Variants in TRAPPC8 observed in about 807,000 individuals in gnomAD.
TRAPPC8 encodes trafficking protein particle complex subunit 8.
In TRAPPC8, 54 loss-of-function variants were observed where a neutral mutation model predicts 174.3. The observed-to-expected ratio is 0.31, with a 90% CI of 0.25 to 0.39. The LOEUF is 0.39. Among genes scored for constraint, TRAPPC8 ranks in the 10% least tolerant of loss-of-function variants. The pLI is 1.00. For missense variants in TRAPPC8, 1,531 were observed against 1,699.1 expected (o/e 0.90, Z 1.74); for synonymous variants, 630 against 579.9 (o/e 1.09, Z -1.24).
At chr18:31,873,324 T>C in intron 14 of TRAPPC8, 106 bp downstream of exon 14, 1 of 962,420 alleles carries the variant, frequency 1.0e-6, no homozygotes, top group Non-Finnish European at 1.5e-6. Flanking sequence ...GGCTGAGCTA[T>C]TAATTTTCAA....
At chr18:31,846,961 T>C (rs376659088) in intron 25 of TRAPPC8, 144 bp from the exon 26 acceptor site, 1 of 497,076 alleles carries the variant, frequency 2.0e-6, no homozygotes, top group South Asian at 5.0e-5. Flanking sequence ...ATTTCTACTT[T>C]TAGTTATTCA....
chr18:31,834,828 C>T (rs2032612715), intron 27 of TRAPPC8, among the ~76,000 whole-genome samples: 1 of 152,178 alleles, frequency 6.6e-6, no homozygotes, highest in African/African-American at 2.4e-5. Context: ...CATGACCAAA[C>T]CTCCTACTGT....
rs547671526 is a variant in TRAPPC8, at chr18:31,889,958, T to C, written c.1728+777A>G. Among the ~76,000 whole-genome samples, 5 of 152,330 alleles carry C rather than the reference T, an allele frequency of 3.3e-5. No homozygotes were observed. The South Asian group carries it at 1.0e-3, about 32-fold the overall frequency. ...TTAGAAAAATTAAGGATGTTCATAG[T>C]TACATTTCATACTTAGTAAATTCAT... is the stretch of plus-strand genomic sequence containing the variant. On this transcript the variant is annotated intron_variant, in intron 12 of 28. Coordinates refer to ENST00000283351, the MANE Select transcript of TRAPPC8 (RefSeq NM_014939.5).
chr18:31,841,441 GA>G (rs2033094183), intron 26 of TRAPPC8, among the ~76,000 whole-genome samples: 1 of 152,020 alleles, frequency 6.6e-6, no homozygotes, highest in African/African-American at 2.4e-5. Context: ...ACCAGAGAAA[GA>G]AACTATCTGA....
chr18:31,852,783 T>A, intron 22 of TRAPPC8, 120 bp from the exon 23 acceptor site: 2 of 822,094 alleles, frequency 2.4e-6, no homozygotes, highest in Non-Finnish European at 3.9e-6. Flanking sequence ...AAATAATGTT[T>A]AATGAAGAAC....
chr18:31,892,126 A>G (rs1022115955), intron 11 of TRAPPC8, among the ~76,000 whole-genome samples: 14 of 152,230 alleles, frequency 9.2e-5, no homozygotes, highest in African/African-American at 3.4e-4. Flanking sequence ...GAAATTATTA[A>G]TACAAACTAA....
At chr18:31,877,860 T>C (rs543532121) in intron 12 of TRAPPC8, among the ~76,000 whole-genome samples, 37 of 149,402 alleles carry the variant, frequency 2.5e-4, no homozygotes, top group African/African-American at 8.7e-4. Context: ...GAGGCAGAGA[T>C]TGCAGTGAGC....
At chr18:31,922,456 G>C (rs1052894352) in intron 2 of TRAPPC8, among the ~76,000 whole-genome samples, 8 of 151,762 alleles carry the variant, frequency 5.3e-5, no homozygotes, top group Admixed American at 1.3e-4. Context: ...GTCGGGAGTG[G>C]GACATGAGGC....
chr18:31,913,303 T>A lies in TRAPPC8; in HGVS notation c.771+66A>T, dbSNP rs577242193. The stretch of plus-strand genomic sequence containing the variant: ...CAATTAATATGAATAATTATACTAG[T>A]TAAACCAAAACGTAAAAACTGAAGT... On this transcript the variant is annotated intron_variant, in intron 5 of 28. Coordinates refer to ENST00000283351, the MANE Select transcript of TRAPPC8 (RefSeq NM_014939.5). 57 of 1,497,848 alleles carry A rather than the reference T, an allele frequency of 3.8e-5. No individual in the cohort carries two copies. The African/African-American group carries it at 7.5e-4, about 20-fold the overall frequency. 92.8% of individuals were successfully genotyped at this position (1,497,848 alleles called of 1,614,324 possible).
intron 15 of TRAPPC8, 128 bp from the exon 16 acceptor site, chr18:31,870,630 T>A: frequency 9.6e-7 from 1 of 1,043,764 alleles, no homozygotes; most frequent in Non-Finnish European, 1.4e-6. Flanking sequence ...TATTACCTTA[T>A]AAATGTCCAC....
At chr18:31,850,878 A>T (rs1568043249) in intron 24 of TRAPPC8, among the ~76,000 whole-genome samples, 1 of 152,156 alleles carries the variant, frequency 6.6e-6, no homozygotes, top group Non-Finnish European at 1.5e-5. Context: ...AGTCCTGCTG[A>T]TGTTTCTGGG....
intron 2 of TRAPPC8, among the ~76,000 whole-genome samples, chr18:31,925,442 T>G (rs991658029): frequency 2.0e-5 from 3 of 151,674 alleles, no homozygotes; most frequent in African/African-American, 7.3e-5. Flanking sequence ...GAAGATAAAG[T>G]CAAGGATATT....
rs551419009 is a variant in TRAPPC8 at position 31,913,914 on chromosome 18, C to G, written c.618-392G>C. 6.6e-5 allele frequency among the ~76,000 whole-genome samples: 10 copies of G among 151,858 alleles called. No homozygotes were observed. The South Asian group carries it at 1.7e-3, about 25-fold the overall frequency. ...TTGACTCAGCGTGGTGGCCATAATCCCAGCACTTTGGAAGGCCAAGGTGGG... is the reference window on the plus strand; with the variant it reads ...TTGACTCAGCGTGGTGGCCATAATCGCAGCACTTTGGAAGGCCAAGGTGGG... On this transcript the variant is annotated intron_variant, in intron 4 of 28. Coordinates refer to ENST00000283351, the MANE Select transcript of TRAPPC8 (RefSeq NM_014939.5).
At chr18:31,866,736 T>G in intron 18 of TRAPPC8, 113 bp downstream of exon 18, 1 of 1,224,370 alleles carries the variant, frequency 8.2e-7, no homozygotes, top group South Asian at 1.9e-5. Context: ...GCTAAATGTC[T>G]TTACTTAACG....
At chr18:31,853,211 G>A (rs1219466727) in intron 22 of TRAPPC8, among the ~76,000 whole-genome samples, 3 of 152,156 alleles carry the variant, frequency 2.0e-5, no homozygotes, top group Non-Finnish European at 2.9e-5. Flanking sequence ...CAGTGGTAAA[G>A]GAAACAAAGA....
At chr18:31,835,011 T>C (rs1368346561) in intron 27 of TRAPPC8, among the ~76,000 whole-genome samples, 1 of 152,228 alleles carries the variant, frequency 6.6e-6, no homozygotes, top group Admixed American at 6.5e-5. Context: ...GGGTGGCTGA[T>C]GTAGTTCTTA....
At chr18:31,886,027 T>C (rs1394479623) in intron 12 of TRAPPC8, among the ~76,000 whole-genome samples, 2 of 150,390 alleles carry the variant, frequency 1.3e-5, no homozygotes, top group Admixed American at 6.7e-5. Flanking sequence ...TATTTTGAGA[T>C]GGAGTTTTGC....
chr18:31,863,095 C>T (rs868211721), intron 19 of TRAPPC8, among the ~76,000 whole-genome samples: 1 of 147,108 alleles, frequency 6.8e-6, no homozygotes, highest in Non-Finnish European at 1.5e-5. Context: ...ATCATATGGA[C>T]ACATGGAGGG....
intron 11 of TRAPPC8, among the ~76,000 whole-genome samples, chr18:31,892,009 T>C (rs996702160): frequency 6.6e-6 from 1 of 152,178 alleles, no homozygotes; most frequent in African/African-American, 2.4e-5. Flanking sequence ...AGTAAAAAAG[T>C]CAGAAATATG....
Sources: allele counts gnomAD v4.1 joint callset (sites outside exome capture counted in the v4.1 genomes callset), GRCh38; gene constraint gnomAD v4.1.1; transcripts MANE v1.5; gene names NCBI Gene and HGNC (gene_info 2026-07-23, HGNC 2026-07-21).